Variants in SETDB2 observed in about 807,000 individuals in gnomAD.
SETDB2 encodes histone-lysine N-methyltransferase SETDB2.
SETDB2 carries 56 observed loss-of-function variants against 82.5 expected under a neutral mutation model. The ratio of observed to expected loss-of-function variants is 0.68; its 90% CI spans 0.55 to 0.85. The LOEUF (loss-of-function observed/expected upper bound fraction) is 0.85, where lower values mean the gene tolerates loss of function less well. Among genes scored for constraint, SETDB2 ranks in the 40% least tolerant of loss-of-function variants. The pLI is 0.00. For synonymous variants in SETDB2, 272 were observed against 284.9 expected (o/e 0.95, Z 0.46); for missense variants, 677 against 816.4 (o/e 0.83, Z 2.08).
intron 1 of SETDB2, among the ~76,000 whole-genome samples, chr13:49,449,142 G>T (rs1446792032): frequency 6.6e-6 from 1 of 152,142 alleles, no homozygotes; most frequent in Non-Finnish European, 1.5e-5. Flanking sequence ...CATCCAATCT[G>T]AGAGTCTGCC....
chr13:49,491,046 A>C, intron 13 of SETDB2, 136 bp downstream of exon 13: 2 of 580,308 alleles, frequency 3.4e-6, no homozygotes, highest in Non-Finnish European at 3.0e-6. Context: ...TGAGCTCAGG[A>C]GTTTAAGACC....
rs533049854 is a variant in SETDB2 at position 49,447,606 on chromosome 13, T to C, written c.-342+2749T>C. On this transcript the variant is annotated intron_variant, in intron 1 of 13. Coordinates refer to ENST00000611815, the MANE Select transcript of SETDB2 (RefSeq NM_001160308.3). ...CCCCACCTTCCATGGAATAATTTTA[T>C]ATTGAATTGTTTTGTTTTTCTGCAT... 1.8e-4 allele frequency among the ~76,000 whole-genome samples: 28 copies of C among 152,292 alleles called. No individual in the cohort carries two copies. The South Asian group carries it at 5.8e-3, about 32-fold the overall frequency.
chr13:49,460,102 T>A lies in SETDB2; in HGVS notation c.17-5T>A. ...TCTTAGGCTAGTCACTTATTTTTAT[T>A]TTAGGCGATGCAAAAACTTTCTGGA... On this transcript the variant is annotated splice_region_variant and splice_polypyrimidine_tract_variant and intron_variant, in intron 2 of 13. Transcript: ENST00000611815. 6.2e-7 allele frequency: 1 copy of A among 1,609,260 alleles called. No homozygotes were observed. The highest frequency in any genetic ancestry group is 1.3e-5 in the African/African-American group (1 of 74,696).
intron 2 of SETDB2, among the ~76,000 whole-genome samples, chr13:49,455,784 A>AG (rs1219336311): frequency 6.7e-6 from 1 of 150,210 alleles, no homozygotes; most frequent in East Asian, 1.9e-4. Flanking sequence ...TTAAAAAAAA[A>AG]CAAAAAAAAA....
chr13:49,487,687 G>A (rs1340761632), intron 11 of SETDB2, among the ~76,000 whole-genome samples: 1 of 152,028 alleles, frequency 6.6e-6, no homozygotes, highest in Non-Finnish European at 1.5e-5. Flanking sequence ...TTCCTTATTG[G>A]ATAAGAAAAA....
At chr13:49,467,713 A>G (rs1479223597) in intron 4 of SETDB2, 151 bp from the exon 5 acceptor site, 1 of 456,014 alleles carries the variant, frequency 2.2e-6, no homozygotes, top group Non-Finnish European at 3.8e-6. Context: ...TTGACACTTA[A>G]TCTTTTGCCT....
rs1345533174 is a variant in SETDB2 at position 49,492,491 on chromosome 13, T to G, written c.*642T>G. ...TGAAATGAGTCTTCTTTCCCACAGA[T>G]TTTCTCTACTCTTTCTATACAAACA... On this transcript the variant is annotated 3_prime_UTR_variant, in exon 14 of 14. Coordinates refer to ENST00000611815, the MANE Select transcript of SETDB2 (RefSeq NM_001160308.3). The G allele has an allele frequency of 6.6e-6, 1 of 152,466 alleles. No homozygotes were observed. Among genetic ancestry groups the G allele is most frequent in the Non-Finnish European group, 1.5e-5 (1 of 68,300 alleles). 9.4% of individuals were successfully genotyped at this position (152,466 alleles called of 1,614,324 possible). A position where few individuals can be genotyped will look rare whatever the true frequency, so the allele number is the denominator to read the frequency against.
At chr13:49,486,309 A>C (rs1242443770) in intron 11 of SETDB2, among the ~76,000 whole-genome samples, 1 of 151,270 alleles carries the variant, frequency 6.6e-6, no homozygotes, top group Non-Finnish European at 1.5e-5. Flanking sequence ...GTCTCAAAAA[A>C]AAAAATAAAA....
intron 4 of SETDB2, among the ~76,000 whole-genome samples, chr13:49,463,312 A>G (rs1463135397): frequency 3.9e-5 from 6 of 152,076 alleles, no homozygotes; most frequent in Non-Finnish European, 8.8e-5. Flanking sequence ...CGCCTGGTCA[A>G]CTTTTAATTT....
intron 4 of SETDB2, among the ~76,000 whole-genome samples, chr13:49,463,130 C>T (rs112283536): frequency 0.038 from 5,821 of 151,954 alleles, 171 homozygotes; most frequent in African/African-American, 0.083. Context: ...CCCAGCCTCC[C>T]GAGTAGCTGG....
chr13:49,466,032 G>C (rs2138882346), intron 4 of SETDB2, among the ~76,000 whole-genome samples: 1 of 152,244 alleles, frequency 6.6e-6, no homozygotes, highest in East Asian at 1.9e-4. Context: ...TATTTGATTG[G>C]CTACTGTTGA....
chr13:49,459,625 C>T (rs912484368), intron 2 of SETDB2, among the ~76,000 whole-genome samples: 3 of 152,052 alleles, frequency 2.0e-5, no homozygotes, highest in Non-Finnish European at 4.4e-5. Context: ...ATTTATGTAA[C>T]TTTCTCTGTA....
chr13:49,485,110 T>C (rs993873201), intron 10 of SETDB2, among the ~76,000 whole-genome samples: 10 of 152,358 alleles, frequency 6.6e-5, no homozygotes, highest in African/African-American at 2.4e-4. Flanking sequence ...CAATGTGTAT[T>C]GAATACTTAG....
intron 5 of SETDB2, among the ~76,000 whole-genome samples, chr13:49,474,158 A>G (rs1189206344): frequency 6.6e-6 from 1 of 152,226 alleles, no homozygotes; most frequent in Non-Finnish European, 1.5e-5. Flanking sequence ...GCTACTTGGG[A>G]GGCTAAGGCA....
rs538603401 is a variant in SETDB2 at position 49,468,057 on chromosome 13, A to T, written c.305+97A>T. The T allele has an allele frequency of 1.4e-4, 105 of 762,696 alleles. 3 individuals are homozygous for T. In the South Asian group the frequency reaches 1.6e-3, roughly 12 times the overall value. The allele number at this position is 762,696 out of a possible 1,614,324, so 47.2% of individuals were successfully genotyped here. On this transcript the variant is annotated intron_variant, in intron 5 of 13. Coordinates refer to ENST00000611815, the MANE Select transcript of SETDB2 (RefSeq NM_001160308.3). The stretch of plus-strand genomic sequence containing the variant: ...TAGAATAGATGAAATATACAAAAAA[A>T]TTTTTCCCATTAAAGCTTTAAAAGT...
rs558340998 is a variant in SETDB2, at chr13:49,470,082, T to C, written c.305+2122T>C. Among the ~76,000 whole-genome samples the C allele has an allele frequency of 3.2e-4, 49 of 152,348 alleles. 1 individual carries two copies. The highest frequency in any genetic ancestry group is 2.6e-3 in the Admixed American group (40 of 15,302). ...TCGTACCAATGTTGCGTATTCATAA[T>C]TAGCTGTCTTCTTTTGTATGTATAC... On this transcript the variant is annotated intron_variant, in intron 5 of 13. Transcript: ENST00000611815.
chr13:49,459,998 G>C, intron 2 of SETDB2, 109 bp from the exon 3 acceptor site: 2 of 1,067,828 alleles, frequency 1.9e-6, no homozygotes. Context: ...TAGACCAGAT[G>C]AGTCTTGATC....
intron 6 of SETDB2, 118 bp downstream of exon 6, chr13:49,477,157 T>A: frequency 3.2e-6 from 3 of 950,068 alleles, no homozygotes; most frequent in Non-Finnish European, 4.5e-6. Context: ...ACAGTAAGAC[T>A]GGGCGTGGTG....
chr13:49,447,342 A>AT (rs1957708933), intron 1 of SETDB2, among the ~76,000 whole-genome samples: 1 of 152,040 alleles, frequency 6.6e-6, no homozygotes, highest in Non-Finnish European at 1.5e-5. Flanking sequence ...TGTTCTACAG[A>AT]TGGATTTTCC....
Sources: allele counts gnomAD v4.1 joint callset (sites outside exome capture counted in the v4.1 genomes callset), GRCh38; gene constraint gnomAD v4.1.1; transcripts MANE v1.5; gene names NCBI Gene and HGNC (gene_info 2026-07-23, HGNC 2026-07-21).